NUDCD1: variants seen among roughly 807,000 people sequenced by gnomAD.
NUDCD1 encodes the protein nudC domain-containing protein 1.
A neutral mutation model predicts 67.8 loss-of-function variants in NUDCD1; 60 were observed. That is an observed-to-expected ratio of 0.88 (90% CI 0.72 to 1.10). NUDCD1 has a LOEUF of 1.10. Among genes scored for constraint, NUDCD1 ranks in the 50% least tolerant of loss-of-function variants. The pLI, the probability that NUDCD1 is intolerant of heterozygous loss-of-function variation, is 0.00. For synonymous variants in NUDCD1, 244 were observed against 230.8 expected (o/e 1.06, Z -0.52); for missense variants, 643 against 695.0 (o/e 0.93, Z 0.84).
intron 8 of NUDCD1, among the ~76,000 whole-genome samples, chr8:109,260,519 T>TA (rs1227235510): frequency 9.2e-5 from 14 of 152,022 alleles, no homozygotes; most frequent in South Asian, 4.1e-4. Context: ...GTCAAAAAGC[T>TA]AAAAAATAGA....
intron 1 of NUDCD1, among the ~76,000 whole-genome samples, chr8:109,332,583 T>C (rs1454822612): frequency 6.6e-6 from 1 of 152,116 alleles, no homozygotes. Context: ...GCAGATCCAT[T>C]ACTGAACAAG....
chr8:109,285,943 G>A (rs1586278685), intron 5 of NUDCD1, among the ~76,000 whole-genome samples: 1 of 152,084 alleles, frequency 6.6e-6, no homozygotes, highest in East Asian at 1.9e-4. Context: ...AATGGCTTCA[G>A]TAAAGTTTCA....
At chr8:109,301,566 C>T (rs182172296) in intron 2 of NUDCD1, among the ~76,000 whole-genome samples, 9 of 152,348 alleles carry the variant, frequency 5.9e-5, no homozygotes, top group South Asian at 4.1e-4. Flanking sequence ...TCCCTCACTC[C>T]GTGAGGAGAT....
chr8:109,258,758 C>T (rs1813797195), intron 8 of NUDCD1, among the ~76,000 whole-genome samples: 1 of 152,102 alleles, frequency 6.6e-6, no homozygotes, highest in South Asian at 2.1e-4. Flanking sequence ...AATTCTACTG[C>T]ACTGAAGGCT....
At chr8:109,310,122 A>C (rs1397619705) in intron 2 of NUDCD1, among the ~76,000 whole-genome samples, 1 of 152,286 alleles carries the variant, frequency 6.6e-6, no homozygotes, top group African/African-American at 2.4e-5. Flanking sequence ...ATTAGAAAAA[A>C]AAATTCACAT....
At chr8:109,299,096 CCT>C (rs1250096933) in intron 2 of NUDCD1, among the ~76,000 whole-genome samples, 4 of 152,174 alleles carry the variant, frequency 2.6e-5, no homozygotes, top group African/African-American at 9.7e-5. Flanking sequence ...CAGGGAAAGC[CCT>C]GTCAGCTCGC....
intron 2 of NUDCD1, among the ~76,000 whole-genome samples, chr8:109,310,945 A>G (rs991941196): frequency 6.7e-6 from 1 of 149,156 alleles, no homozygotes; most frequent in Admixed American, 6.8e-5. Context: ...CCTCCCGAGT[A>G]GCTGGGACTA....
intron 6 of NUDCD1, among the ~76,000 whole-genome samples, chr8:109,280,590 C>T (rs1483491732): frequency 6.6e-6 from 1 of 152,118 alleles, no homozygotes; most frequent in African/African-American, 2.4e-5. Context: ...ACTCTACATC[C>T]TTTTGTATAT....
chr8:109,249,061 T>C (rs550891203), intron 8 of NUDCD1, among the ~76,000 whole-genome samples: 35 of 152,218 alleles, frequency 2.3e-4, no homozygotes, highest in Non-Finnish European at 4.4e-4. Context: ...TTCACTTATA[T>C]GCTCTTTGAG....
intron 2 of NUDCD1, chr8:109,315,182 T>C (rs893904537): frequency 7.9e-6 from 1 of 127,236 alleles, no homozygotes; most frequent in Non-Finnish European, 1.8e-5. Flanking sequence ...TACCCCACTC[T>C]TTATTTTTTT....
At chr8:109,288,014 C>G (rs536464698) in intron 5 of NUDCD1, among the ~76,000 whole-genome samples, 1 of 152,142 alleles carries the variant, frequency 6.6e-6, no homozygotes, top group African/African-American at 2.4e-5. Flanking sequence ...ATAGATAATA[C>G]CAGTCTTCTT....
intron 1 of NUDCD1, among the ~76,000 whole-genome samples, chr8:109,326,916 CT>C (rs1229406055): frequency 3.7e-4 from 56 of 152,314 alleles, no homozygotes; most frequent in African/African-American, 1.3e-3. Context: ...ATTACTGTTT[CT>C]TGGCTTCTCA....
intron 5 of NUDCD1, among the ~76,000 whole-genome samples, chr8:109,281,757 T>TTGCCCAGATTGCAGCC: frequency 6.6e-6 from 1 of 152,308 alleles, no homozygotes; most frequent in South Asian, 2.1e-4. Context: ...TCAAAGCACC[T>TTGCCCAGATTGCAGCC]TGCCCAGATT....
At chr8:109,301,800 A>T (rs1196382118) in intron 2 of NUDCD1, among the ~76,000 whole-genome samples, 1 of 152,186 alleles carries the variant, frequency 6.6e-6, no homozygotes, top group Non-Finnish European at 1.5e-5. Context: ...AAACTCCAGC[A>T]CCAGTCATGG....
intron 5 of NUDCD1, among the ~76,000 whole-genome samples, chr8:109,282,642 A>G (rs1814473953): frequency 7.3e-6 from 1 of 137,352 alleles, no homozygotes; most frequent in African/African-American, 2.7e-5. Context: ...ATGAGAACTC[A>G]TGGATACAGG....
rs1813421140 is a variant in NUDCD1, at chr8:109,243,380, T to A, written c.1460-79A>T. 47 of 1,158,284 alleles carry A rather than the reference T, an allele frequency of 4.1e-5. No homozygotes were observed. The East Asian group carries it at 1.1e-3, about 28-fold the overall frequency. 71.8% of individuals were successfully genotyped at this position (1,158,284 alleles called of 1,614,324 possible). A position where few individuals can be genotyped will look rare whatever the true frequency, so the allele number is the denominator to read the frequency against. On this transcript the variant is annotated intron_variant, in intron 9 of 9. Coordinates refer to ENST00000239690, the MANE Select transcript of NUDCD1 (RefSeq NM_032869.4). ...AAAAATGATGATTTAACATTTAATATTTTGCAATGTTTATTACAAATTAAA... is the reference window on the plus strand; with the variant it reads ...AAAAATGATGATTTAACATTTAATAATTTGCAATGTTTATTACAAATTAAA...
intron 5 of NUDCD1, among the ~76,000 whole-genome samples, chr8:109,287,396 T>C (rs1285278079): frequency 6.6e-6 from 1 of 152,046 alleles, no homozygotes; most frequent in East Asian, 1.9e-4. Context: ...TAGGTGCCCA[T>C]CAACAGTGGA....
intron 4 of NUDCD1, among the ~76,000 whole-genome samples, chr8:109,290,200 A>C (rs1005587533): frequency 2.6e-5 from 4 of 152,186 alleles, no homozygotes; most frequent in African/African-American, 9.6e-5. Context: ...TATCTACTTA[A>C]AATTAAGTAA....
chr8:109,257,135 TAA>T (rs1371983086), intron 8 of NUDCD1, among the ~76,000 whole-genome samples: 2 of 152,130 alleles, frequency 1.3e-5, no homozygotes, highest in Non-Finnish European at 2.9e-5. Context: ...GCATTGCATC[TAA>T]TATCCTAGCT....
Sources: gnomAD v4.1 joint callset for allele counts (sites outside exome capture counted in the v4.1 genomes callset) on GRCh38, gnomAD v4.1.1 for gene constraint, MANE v1.5 for transcripts, NCBI Gene and HGNC (gene_info 2026-07-23, HGNC 2026-07-21) for gene names.